OAS2: variants seen among roughly 807,000 people sequenced by gnomAD.
OAS2 encodes 2'-5'-oligoadenylate synthetase 2.
In OAS2, 67 loss-of-function variants were observed where a neutral mutation model predicts 71.3. The observed-to-expected ratio is 0.94, with a 90% CI of 0.77 to 1.15. OAS2 has a LOEUF of 1.15. Ranked by LOEUF, OAS2 falls within the 50% of genes most tolerant of loss-of-function variation. OAS2 has a pLI of 0.00. For missense variants in OAS2, 789 were observed against 822.5 expected (o/e 0.96, Z 0.50); for synonymous variants, 327 against 321.8 (o/e 1.02, Z -0.17).
At chr12:113,000,617 TCACA>T (rs1220766867) in intron 5 of OAS2, among the ~76,000 whole-genome samples, 2 of 146,798 alleles carry the variant, frequency 1.4e-5, no homozygotes, top group East Asian at 2.0e-4. Context: ...ATACATGCAC[TCACA>T]CACATGCACA....
At chr12:112,997,384 T>G in intron 3 of OAS2, 136 bp from the exon 4 acceptor site, 1 of 655,910 alleles carries the variant, frequency 1.5e-6, no homozygotes, top group South Asian at 2.0e-5. Context: ...GACTTGGTAT[T>G]GTCAGTCCAC....
chr12:112,998,130 C>T (rs2044252572), intron 4 of OAS2, 136 bp from the exon 5 acceptor site: 14 of 898,664 alleles, frequency 1.6e-5, no homozygotes, highest in Middle Eastern at 2.3e-4. Flanking sequence ...TAGACAAAAT[C>T]CCTCAGCAGC....
chr12:112,988,924 G>C (rs1252198695), intron 2 of OAS2: 2 of 165,134 alleles, frequency 1.2e-5, no homozygotes, highest in African/African-American at 4.8e-5. Context: ...ATCTGAGACA[G>C]GTCTCAATCT....
intron 3 of OAS2, among the ~76,000 whole-genome samples, chr12:112,996,636 G>A (rs2044235457): frequency 6.6e-6 from 1 of 152,008 alleles, no homozygotes; most frequent in South Asian, 2.1e-4. Flanking sequence ...TTTAAGAGCC[G>A]AACTCCCCGA....
At chr12:112,985,570 T>C (rs2044127453) in intron 1 of OAS2, among the ~76,000 whole-genome samples, 1 of 152,250 alleles carries the variant, frequency 6.6e-6, no homozygotes, top group South Asian at 2.1e-4. Context: ...TCCTGATTTA[T>C]TTGTATTGTT....
chr12:112,980,667 C>T (rs2044072491), intron 1 of OAS2, among the ~76,000 whole-genome samples: 1 of 152,158 alleles, frequency 6.6e-6, no homozygotes, highest in Non-Finnish European at 1.5e-5. Context: ...GATTCCATAT[C>T]TTGGCTTTTG....
intron 3 of OAS2, 25 bp from the exon 4 acceptor site, chr12:112,997,495 C>T (rs762695210): frequency 1.3e-5 from 21 of 1,593,044 alleles, no homozygotes; most frequent in Middle Eastern, 3.3e-4. Flanking sequence ...CCCCAATGAG[C>T]TGCTACCCTT....
At chr12:112,998,483 T>C in intron 5 of OAS2, 73 bp downstream of exon 5, 3 of 1,516,560 alleles carry the variant, frequency 2.0e-6, no homozygotes, top group Non-Finnish European at 2.7e-6. Context: ...CTAGGTCTTA[T>C]CTGAGAGTAC....
chr12:113,008,510 C>T (rs929380180), intron 9 of OAS2, among the ~76,000 whole-genome samples: 23 of 152,274 alleles, frequency 1.5e-4, no homozygotes, highest in African/African-American at 5.3e-4. Context: ...GCTGACATAG[C>T]AAGGAGGAGA....
chr12:112,995,444 G>C lies in OAS2; in HGVS notation c.597G>C (p.Leu199Phe), dbSNP rs750149799. Residue 199 changes from leucine to phenylalanine, a missense_variant, in exon 3 of 10, where the codon TTG (leucine) becomes TTC (phenylalanine). By Grantham distance (22) the Leu-to-Phe change is conservative (BLOSUM62 0). Transcript: ENST00000392583. ...FDNRPGKLKD[L>F]ILLIKHWHQQ... ...ACCGTCCTGGAAAACTAAAGGATTT[G>C]ATCCTCTTGATAAAGCACTGGCATC... The C allele has an allele frequency of 1.7e-5, 27 of 1,613,880 alleles. No individual in the cohort carries two copies. Among genetic ancestry groups the C allele is most frequent in the Non-Finnish European group, 8.5e-7 (1 of 1,179,982 alleles).
intron 9 of OAS2, 119 bp from the exon 10 acceptor site, chr12:113,008,968 G>A: frequency 2.7e-6 from 4 of 1,482,562 alleles, no homozygotes; most frequent in Non-Finnish European, 3.6e-6. Flanking sequence ...AATTTGAGTT[G>A]CTGACATCTA....
Position 112,987,322 on chromosome 12 carries a change from G to A in OAS2, c.448+14G>A. On this transcript the variant is annotated intron_variant, in intron 2 of 9. Coordinates refer to ENST00000392583, the MANE Select transcript of OAS2 (RefSeq NM_002535.3). ...TCAACGCTCTGAGTAAGCATTGCTG[G>A]GTGTCAGGAGAGAAAAGCCAAAGAA... The A allele has an allele frequency of 6.2e-7, 1 of 1,613,638 alleles. No homozygotes were observed. The highest frequency in any genetic ancestry group is 1.7e-5 in the Admixed American group (1 of 59,978).
rs2044360484 is a variant in OAS2, at chr12:113,009,275, T to A, written c.*20T>A. 4 of 1,612,154 alleles carry A rather than the reference T, an allele frequency of 2.5e-6. No homozygotes were observed. The highest frequency in any genetic ancestry group is 3.4e-6 in the Non-Finnish European group (4 of 1,179,038). On this transcript the variant is annotated 3_prime_UTR_variant, in exon 10 of 10. Transcript: ENST00000392583. ...ATCTAAAGGAGGCGTTGTCTGGAAA[T>A]AGCCCTGTAACAGGCTTGAATCAAA...
In OAS2 at chr12:112,987,271, A is replaced by C. The variant is rs1247585203; in HGVS notation, c.411A>C (p.Arg137Ser). 4 of 1,614,104 alleles carry C rather than the reference A, an allele frequency of 2.5e-6. No individual in the cohort carries two copies. The highest frequency in any genetic ancestry group is 1.3e-5 in the African/African-American group (1 of 74,930). ...FTIQVFTKNQ[R>S]ISFEVLAAFN... ...TCCAGGTGTTCACAAAAAATCAGAGAATCTCTTTCGAGGTGCTGGCCGCCT... is the reference window on the plus strand; with the variant it reads ...TCCAGGTGTTCACAAAAAATCAGAGCATCTCTTTCGAGGTGCTGGCCGCCT... The change falls in exon 2 of 10, where the codon AGA becomes AGC. Residue 137 changes from arginine (R) to serine (S), a missense_variant. Transcript: ENST00000392583.
In OAS2 at chr12:113,007,823, T is replaced by C; in HGVS notation, c.1775T>C (p.Phe592Ser). Residue 592 changes from phenylalanine to serine, a missense_variant, in exon 9 of 10, where the codon TTC becomes TCC. Phe to Ser is a radical substitution (Grantham distance 155). Transcript: ENST00000392583. ...CCGGATTTTGACACTGCAGAAGGTTTCCGGACAGTCCTGGAGCTGGTCACA... is the reference window on the plus strand; with the variant it reads ...CCGGATTTTGACACTGCAGAAGGTTCCCGGACAGTCCTGGAGCTGGTCACA... ...GVPDFDTAEG[F>S]RTVLELVTQY... 1 of 1,614,190 alleles carries C rather than the reference T, an allele frequency of 6.2e-7. No individual in the cohort carries two copies. Among genetic ancestry groups the C allele is most frequent in the Non-Finnish European group, 8.5e-7 (1 of 1,180,020 alleles).
intron 4 of OAS2, 37 bp from the exon 5 acceptor site, chr12:112,998,229 G>A (rs761366423): frequency 6.3e-7 from 1 of 1,599,070 alleles, no homozygotes; most frequent in South Asian, 1.1e-5. Flanking sequence ...CCCACAAGCA[G>A]CTCAACTGAC....
In OAS2 at chr12:112,995,291, A is replaced by G. The variant is rs1420533568; in HGVS notation, c.449-5A>G. ...AACAACGTTCCAATTTCTGTTTCACATCAGGCTTAAATGATAATCCCAGCC... is the reference window on the plus strand; with the variant it reads ...AACAACGTTCCAATTTCTGTTTCACGTCAGGCTTAAATGATAATCCCAGCC... On this transcript the variant is annotated splice_polypyrimidine_tract_variant and splice_region_variant and intron_variant, in intron 2 of 9. Coordinates refer to ENST00000392583, the MANE Select transcript of OAS2 (RefSeq NM_002535.3). The G allele has an allele frequency of 3.1e-6, 5 of 1,595,538 alleles. No individual in the cohort carries two copies. Among genetic ancestry groups the G allele is most frequent in the East Asian group, 4.5e-5 (2 of 44,666 alleles).
intron 5 of OAS2, among the ~76,000 whole-genome samples, chr12:112,999,882 G>A (rs1593202986): frequency 1.3e-5 from 2 of 152,190 alleles, no homozygotes; most frequent in African/African-American, 2.4e-5. Context: ...GTGTGCACAC[G>A]TTATTATTGT....
rs1253178360 is a variant in OAS2, at chr12:112,997,663, C to A, written c.771C>A (p.Cys257Ter). 2.5e-6 allele frequency: 4 copies of A among 1,613,910 alleles called. No homozygotes were observed. In the African/African-American group the frequency reaches 5.3e-5, roughly 22 times the overall value. ...GVRTVLELIK[C>*]QEKLCIYWMV... Reference sequence around the variant, plus strand: ...GAACCGTACTGGAGCTGATCAAATGCCAGGAGAAGCTGTGTATCTATTGGA... The same window carrying A: ...GAACCGTACTGGAGCTGATCAAATGACAGGAGAAGCTGTGTATCTATTGGA... The change falls in exon 4 of 10, where the codon TGC becomes TGA. Residue 257 changes from cysteine to a stop codon, truncating the protein, a stop_gained. Transcript: ENST00000392583. LOFTEE classifies it high-confidence loss of function.
Sources: allele counts gnomAD v4.1 joint callset (sites outside exome capture counted in the v4.1 genomes callset), GRCh38; gene constraint gnomAD v4.1.1; transcripts MANE v1.5; gene names NCBI Gene and HGNC (gene_info 2026-07-23, HGNC 2026-07-21).